MALRD1: variants seen among roughly 807,000 people sequenced by gnomAD.
MALRD1 encodes the protein MAM and LDL receptor class A domain containing 1.
In MALRD1, 247 loss-of-function variants were observed where a neutral mutation model predicts 242.1. That is an observed-to-expected ratio of 1.02 (90% CI 0.92 to 1.13). The LOEUF is 1.13. MALRD1 is among the 50% of genes most tolerant of loss of function. MALRD1 has a pLI of 0.00. For synonymous variants in MALRD1, 995 were observed against 866.6 expected (o/e 1.15, Z -2.60); for missense variants, 2,989 against 2,533.1 (o/e 1.18, Z -3.86).
intron 21 of MALRD1, among the ~76,000 whole-genome samples, chr10:19,287,235 C>A (rs1027645695): frequency 6.6e-6 from 1 of 152,064 alleles, no homozygotes; most frequent in Non-Finnish European, 1.5e-5. Context: ...TTCCTCTATA[C>A]TTTTCTCACT....
intron 38 of MALRD1, among the ~76,000 whole-genome samples, chr10:19,694,455 A>G (rs1391171478): frequency 1.3e-5 from 2 of 152,240 alleles, no homozygotes; most frequent in Non-Finnish European, 2.9e-5. Context: ...TTATGCAGCC[A>G]ACAGACACAT....
At position 19,566,298 on chromosome 10, in the gene MALRD1, A is replaced by ATT. The variant is rs10548629; in HGVS notation, c.5479-1180_5479-1179dup. Reference sequence around the variant, plus strand: ...GGGCACCTGCCACCATGCCTGGCTAATTTTTTTTTTTTTTTTTTTTTTTTT... The same window carrying ATT: ...GGGCACCTGCCACCATGCCTGGCTAATTTTTTTTTTTTTTTTTTTTTTTTTTT... On this transcript the variant is annotated intron_variant, in intron 32 of 39. Coordinates refer to ENST00000454679, the MANE Select transcript of MALRD1 (RefSeq NM_001142308.3). Among the ~76,000 whole-genome samples the ATT allele has an allele frequency of 1.7e-3, 185 of 111,068 alleles. 2 individuals are homozygous for ATT. Among genetic ancestry groups the ATT allele is most frequent in the African/African-American group, 2.2e-3 (67 of 30,790 alleles). 72.9% of individuals were successfully genotyped at this position (111,068 alleles called of 152,430 possible). A position where few individuals can be genotyped will look rare whatever the true frequency, so the allele number is the denominator to read the frequency against.
intron 36 of MALRD1, among the ~76,000 whole-genome samples, chr10:19,687,145 G>A (rs141819404): frequency 2.0e-5 from 3 of 151,594 alleles, no homozygotes; most frequent in Admixed American, 6.6e-5. Flanking sequence ...TCTTCTTGAC[G>A]TTAAAACAAA....
chr10:19,240,141 C>T (rs1303315705), intron 18 of MALRD1, among the ~76,000 whole-genome samples: 1 of 151,874 alleles, frequency 6.6e-6, no homozygotes, highest in Non-Finnish European at 1.5e-5. Flanking sequence ...ATATAATGTC[C>T]ATTTTTTGTG....
intron 18 of MALRD1, among the ~76,000 whole-genome samples, chr10:19,255,629 T>C (rs1839472383): frequency 6.6e-6 from 1 of 152,074 alleles, no homozygotes; most frequent in African/African-American, 2.4e-5. Flanking sequence ...TTTTAGTTTC[T>C]CAAATTGTAA....
rs377281243 is a variant in MALRD1, at chr10:19,128,041, T to C, written c.944-180T>C. The stretch of plus-strand genomic sequence containing the variant: ...ATTTCTCTACATATTGGAAATAATA[T>C]ATAAAAATGAAAACCTGTTATTTGT... On this transcript the variant is annotated intron_variant, in intron 7 of 39. Transcript: ENST00000454679. Among the ~76,000 whole-genome samples, 14 of 152,180 alleles carry C rather than the reference T, an allele frequency of 9.2e-5. No homozygotes were observed. In the East Asian group the frequency reaches 1.7e-3, roughly 19 times the overall value.
chr10:19,094,781 G>T lies in MALRD1; in HGVS notation c.597+6596G>T, dbSNP rs74721992. On this transcript the variant is annotated intron_variant, in intron 4 of 39. Transcript: ENST00000454679. ...TCATTTCATAGATAAACTTAACACA[G>T]TCTTTATTTTCTAAAGTAATTTAGA... Among the ~76,000 whole-genome samples the T allele has an allele frequency of 2.7e-3, 413 of 152,260 alleles. 1 individual carries two copies. The highest frequency in any genetic ancestry group is 9.5e-3 in the African/African-American group (396 of 41,564).
intron 36 of MALRD1, among the ~76,000 whole-genome samples, chr10:19,617,285 G>C (rs2131614108): frequency 6.6e-6 from 1 of 152,114 alleles, no homozygotes; most frequent in East Asian, 1.9e-4. Flanking sequence ...AGGTGAGGGA[G>C]ATGAGACAGA....
intron 29 of MALRD1, among the ~76,000 whole-genome samples, chr10:19,484,836 G>A (rs1837168123): frequency 6.6e-6 from 1 of 152,114 alleles, no homozygotes; most frequent in South Asian, 2.1e-4. Flanking sequence ...CTACCCAAAG[G>A]AAAAGTAGGC....
At position 19,331,447 on chromosome 10, in the gene MALRD1, C is replaced by G; in HGVS notation, c.3766C>G (p.Pro1256Ala). 6.4e-7 allele frequency: 1 copy of G among 1,550,530 alleles called. No individual in the cohort carries two copies. The highest frequency in any genetic ancestry group is 8.7e-7 in the Non-Finnish European group (1 of 1,146,898). Residue 1256 changes from proline to alanine, a missense_variant, in exon 24 of 40, where the codon CCT becomes GCT. Transcript: ENST00000454679. Reference sequence around the variant, plus strand: ...TGATATTTCCTTCCAAGATTGCTCCCCTTTGCTTAGCCCAGAGAGAAAGTG... The same window carrying G: ...TGATATTTCCTTCCAAGATTGCTCCGCTTTGCTTAGCCCAGAGAGAAAGTG... ...VDDISFQDCS[P>A]LLSPERKCTD...
chr10:19,595,274 G>C lies in MALRD1; in HGVS notation c.5761G>C (p.Gly1921Arg). The C allele has an allele frequency of 6.4e-7, 1 of 1,550,680 alleles. No homozygotes were observed. The highest frequency in any genetic ancestry group is 8.7e-7 in the Non-Finnish European group (1 of 1,146,974). The stretch of plus-strand genomic sequence containing the variant: ...CACACTCCAATGTGTCCCTCTCTCA[G>C]GGAAATGTGATGGACATGAAGACTG... ...IYTLQCVPLS[G>R]KCDGHEDCID... is the part of the protein sequence containing the mutation. The change falls in exon 34 of 40, where the codon GGG (glycine) becomes CGG (arginine). Residue 1921 changes from glycine (G) to arginine (R), a missense_variant. Coordinates refer to ENST00000454679, the MANE Select transcript of MALRD1 (RefSeq NM_001142308.3).
chr10:19,163,086 C>T (rs1834503659), intron 12 of MALRD1, among the ~76,000 whole-genome samples: 1 of 124,520 alleles, frequency 8.0e-6, no homozygotes, highest in Non-Finnish European at 1.6e-5. Context: ...TGCAGTGAGC[C>T]GTGATCATGC....
At chr10:19,449,606 A>T (rs1835206839) in intron 28 of MALRD1, among the ~76,000 whole-genome samples, 1 of 152,184 alleles carries the variant, frequency 6.6e-6, no homozygotes, top group South Asian at 2.1e-4. Context: ...ATCTCTAAAA[A>T]TTTTTTTGAG....
rs1208322987 is a variant in MALRD1, at chr10:19,307,547, G to A, written c.3420-16402G>A. Among the ~76,000 whole-genome samples the A allele has an allele frequency of 2.0e-5, 3 of 151,468 alleles. No homozygotes were observed. In the East Asian group the frequency reaches 5.9e-4, roughly 30 times the overall value. On this transcript the variant is annotated intron_variant, in intron 21 of 39. Coordinates refer to ENST00000454679, the MANE Select transcript of MALRD1 (RefSeq NM_001142308.3). ...TCGGGGTGTGGATGAGATATTATTAGTTCAAAGGATGATCATTTCTTAAGG... is the reference window on the plus strand; with the variant it reads ...TCGGGGTGTGGATGAGATATTATTAATTCAAAGGATGATCATTTCTTAAGG...
chr10:19,626,336 C>A (rs981777599), intron 36 of MALRD1, among the ~76,000 whole-genome samples: 1 of 144,412 alleles, frequency 6.9e-6, no homozygotes, highest in African/African-American at 2.5e-5. Context: ...GTCTGCCAGG[C>A]CTTGGATTAT....
intron 32 of MALRD1, among the ~76,000 whole-genome samples, chr10:19,552,494 C>T (rs1250080265): frequency 6.6e-6 from 1 of 151,680 alleles, no homozygotes; most frequent in Non-Finnish European, 1.5e-5. Context: ...AGCAGTCTAC[C>T]TACTTTATTA....
chr10:19,348,049 C>A, intron 25 of MALRD1, 31 bp downstream of exon 25: 1 of 1,541,064 alleles, frequency 6.5e-7, no homozygotes, highest in Admixed American at 2.0e-5. Flanking sequence ...ACCAACCAAA[C>A]AAACACAGAA....
intron 18 of MALRD1, among the ~76,000 whole-genome samples, chr10:19,251,830 C>T (rs1020084529): frequency 1.3e-5 from 2 of 151,864 alleles, no homozygotes; most frequent in Admixed American, 1.3e-4. Flanking sequence ...ATCATAGGGG[C>T]GAATTTCCCC....
At chr10:19,325,138 T>C (rs184251242) in intron 22 of MALRD1, among the ~76,000 whole-genome samples, 29 of 151,668 alleles carry the variant, frequency 1.9e-4, no homozygotes, top group African/African-American at 6.8e-4. Flanking sequence ...CTCATCCCTC[T>C]ATTTGTTTGC....
Sources: allele counts gnomAD v4.1 joint callset (sites outside exome capture counted in the v4.1 genomes callset), GRCh38; gene constraint gnomAD v4.1.1; transcripts MANE v1.5; gene names NCBI Gene and HGNC (gene_info 2026-07-23, HGNC 2026-07-21).